Variants in ZNF804A observed in about 807,000 individuals in gnomAD.
ZNF804A encodes the protein zinc finger protein 804A.
A neutral mutation model predicts 16.5 loss-of-function variants in ZNF804A; 2 were observed. That is an observed-to-expected ratio of 0.12 (90% CI 0.05 to 0.38). The LOEUF (loss-of-function observed/expected upper bound fraction) is 0.38. ZNF804A is among the 10% of genes least tolerant of loss of function. The probability of loss-of-function intolerance (pLI) is 0.99; values close to 1 mark genes in which losing one functional copy is unlikely to be tolerated. For synonymous variants in ZNF804A, 534 were observed against 489.6 expected (o/e 1.09, Z -1.20); for missense variants, 1,473 against 1,390.7 (o/e 1.06, Z -0.94).
chr2:184,779,134 G>C (rs779770753), intron 1 of ZNF804A, among the ~76,000 whole-genome samples: 1 of 151,400 alleles, frequency 6.6e-6, no homozygotes, highest in Non-Finnish European at 1.5e-5. Context: ...AAATACTCTT[G>C]TGGTTCTGAG....
chr2:184,843,135 C>T (rs934404114), intron 1 of ZNF804A, among the ~76,000 whole-genome samples: 3 of 152,116 alleles, frequency 2.0e-5, no homozygotes, highest in East Asian at 1.9e-4. Context: ...GAACTCTTTT[C>T]GTGGGAACTT....
At chr2:184,892,584 A>C (rs1255030917) in intron 2 of ZNF804A, among the ~76,000 whole-genome samples, 2 of 147,364 alleles carry the variant, frequency 1.4e-5, no homozygotes, top group African/African-American at 5.0e-5. Context: ...TCCAAGGTTC[A>C]AGCGAACCTC....
chr2:184,917,578 C>G (rs1685469058), intron 2 of ZNF804A, among the ~76,000 whole-genome samples: 1 of 151,772 alleles, frequency 6.6e-6, no homozygotes, highest in South Asian at 2.1e-4. Context: ...AGACCATATT[C>G]CCAAAACGTA....
At chr2:184,683,599 A>G (rs1692577081) in intron 1 of ZNF804A, among the ~76,000 whole-genome samples, 1 of 152,172 alleles carries the variant, frequency 6.6e-6, no homozygotes, top group Admixed American at 6.5e-5. Flanking sequence ...CTTCAATAGC[A>G]AGAACAGTTC....
chr2:184,599,296 C>T (rs550809888), intron 1 of ZNF804A, among the ~76,000 whole-genome samples: 2 of 152,264 alleles, frequency 1.3e-5, no homozygotes, highest in African/African-American at 4.8e-5. Flanking sequence ...TCTCACCTCA[C>T]TCCATTAAGC....
intron 1 of ZNF804A, among the ~76,000 whole-genome samples, chr2:184,751,519 A>G (rs1340874202): frequency 1.3e-5 from 2 of 151,480 alleles, no homozygotes; most frequent in Non-Finnish European, 3.0e-5. Flanking sequence ...GGCACGTGAC[A>G]CTACATCAAA....
intron 1 of ZNF804A, among the ~76,000 whole-genome samples, chr2:184,708,261 C>T (rs1279388625): frequency 1.3e-5 from 2 of 151,984 alleles, no homozygotes; most frequent in Non-Finnish European, 2.9e-5. Context: ...TGCCTAAGCT[C>T]TTTAATTAGG....
At chr2:184,791,100 A>G (rs1694532767) in intron 1 of ZNF804A, among the ~76,000 whole-genome samples, 1 of 152,046 alleles carries the variant, frequency 6.6e-6, no homozygotes, top group Admixed American at 6.6e-5. Flanking sequence ...TGGACAGCAG[A>G]TGGTTGTCTT....
At chr2:184,818,135 A>C (rs554413644) in intron 1 of ZNF804A, among the ~76,000 whole-genome samples, 1 of 152,146 alleles carries the variant, frequency 6.6e-6, no homozygotes, top group South Asian at 2.1e-4. Context: ...AATTAAAGAC[A>C]AAATATTAAG....
At chr2:184,868,535 G>A (rs146949344) in intron 2 of ZNF804A, among the ~76,000 whole-genome samples, 140 of 152,142 alleles carry the variant, frequency 9.2e-4, no homozygotes, top group African/African-American at 2.7e-3. Flanking sequence ...GTCTGATAAT[G>A]GCTGTACTTG....
intron 1 of ZNF804A, among the ~76,000 whole-genome samples, chr2:184,797,329 T>C (rs1220683505): frequency 6.6e-6 from 1 of 152,184 alleles, no homozygotes; most frequent in Non-Finnish European, 1.5e-5. Flanking sequence ...GCATATATGT[T>C]TAAGATTGTG....
At chr2:184,723,709 A>C (rs954048095) in intron 1 of ZNF804A, among the ~76,000 whole-genome samples, 1 of 151,740 alleles carries the variant, frequency 6.6e-6, no homozygotes, top group African/African-American at 2.4e-5. Flanking sequence ...TGTTAAATGT[A>C]TATTTTGATC....
intron 2 of ZNF804A, among the ~76,000 whole-genome samples, chr2:184,868,179 A>G (rs1256423207): frequency 6.6e-6 from 1 of 152,098 alleles, no homozygotes; most frequent in African/African-American, 2.4e-5. Context: ...CAGCTACTCA[A>G]TCAAAATACT....
chr2:184,920,181 A>G (rs1685508455), intron 2 of ZNF804A, among the ~76,000 whole-genome samples: 1 of 152,172 alleles, frequency 6.6e-6, no homozygotes, highest in Non-Finnish European at 1.5e-5. Context: ...TGGTGCCTGC[A>G]TGTCATACAG....
intron 1 of ZNF804A, among the ~76,000 whole-genome samples, chr2:184,713,518 C>T (rs1046924344): frequency 3.9e-4 from 59 of 151,880 alleles, no homozygotes; most frequent in African/African-American, 1.4e-3. Context: ...TCTAATGATA[C>T]TTGTCTACAT....
intron 1 of ZNF804A, among the ~76,000 whole-genome samples, chr2:184,806,326 G>T (rs1400700781): frequency 6.6e-6 from 1 of 151,778 alleles, no homozygotes; most frequent in African/African-American, 2.4e-5. Context: ...ATCAATAATA[G>T]AAATATAGAA....
chr2:184,632,820 C>G (rs1364583391), intron 1 of ZNF804A, among the ~76,000 whole-genome samples: 2 of 152,212 alleles, frequency 1.3e-5, no homozygotes, highest in Non-Finnish European at 2.9e-5. Flanking sequence ...CCTTCCCTAT[C>G]TGGCCAGAGT....
chr2:184,713,228 A>T (rs915920179), intron 1 of ZNF804A, among the ~76,000 whole-genome samples: 1 of 151,880 alleles, frequency 6.6e-6, no homozygotes, highest in African/African-American at 2.4e-5. Flanking sequence ...TGTGACAAAG[A>T]TGGCTATTTT....
intron 1 of ZNF804A, among the ~76,000 whole-genome samples, chr2:184,599,285 A>G (rs1294074806): frequency 6.6e-6 from 1 of 152,096 alleles, no homozygotes; most frequent in Non-Finnish European, 1.5e-5. Flanking sequence ...GCTCTGGACT[A>G]TCTCACCTCA....
Sources: allele counts gnomAD v4.1 joint callset (sites outside exome capture counted in the v4.1 genomes callset), GRCh38; gene constraint gnomAD v4.1.1; transcripts MANE v1.5; gene names NCBI Gene and HGNC (gene_info 2026-07-23, HGNC 2026-07-21).